Variants in ZNF638 observed in about 807,000 individuals in gnomAD.
ZNF638 encodes the protein CTCL tumor antigen se33-1.
ZNF638 carries 46 observed loss-of-function variants against 195.6 expected under a neutral mutation model. The observed-to-expected ratio is 0.24, with a 90% CI of 0.19 to 0.30. ZNF638 has a LOEUF of 0.30. Ranked by LOEUF, ZNF638 falls within the 10% of genes least tolerant of loss-of-function variation. The pLI, the probability that ZNF638 is intolerant of heterozygous loss-of-function variation, is 1.00. For synonymous variants in ZNF638, 845 were observed against 772.0 expected, an observed-to-expected ratio of 1.09 and a Z score of -1.57; for missense variants, 2,440 against 2,325.3, an observed-to-expected ratio of 1.05 and a Z score of -1.01.
rs540961101 is a variant in ZNF638, at chr2:71,364,513, C to G, written c.1717+261C>G. Among the ~76,000 whole-genome samples the G allele has an allele frequency of 9.2e-5, 14 of 152,142 alleles. No homozygotes were observed. In the East Asian group the frequency reaches 9.7e-4, roughly 11 times the overall value. ...TGCTTTAATAATTGATTATAGAATT[C>G]CATGGATTAATTTAAAATGTTTTTG... On this transcript the variant is annotated intron_variant, in intron 5 of 27. Coordinates refer to ENST00000264447, the MANE Select transcript of ZNF638 (RefSeq NM_014497.5).
chr2:71,422,269 C>A (rs2080448050), intron 21 of ZNF638, among the ~76,000 whole-genome samples: 1 of 151,044 alleles, frequency 6.6e-6, no homozygotes, highest in South Asian at 2.1e-4. Flanking sequence ...AAATATGGTT[C>A]TTGGGTAATT....
chr2:71,421,796 T>A (rs995821824), intron 21 of ZNF638, among the ~76,000 whole-genome samples: 2 of 152,196 alleles, frequency 1.3e-5, no homozygotes, highest in African/African-American at 2.4e-5. Flanking sequence ...TTTGGTAAAT[T>A]TTAATTTGCA....
intron 10 of ZNF638, chr2:71,395,602 T>C (rs368568789): frequency 3.5e-6 from 2 of 574,102 alleles, no homozygotes; most frequent in South Asian, 1.6e-5. Flanking sequence ...CCCAAGGCGG[T>C]GGGGGTGACA....
chr2:71,334,463 C>G (rs1318697579), intron 1 of ZNF638: 1 of 152,014 alleles, frequency 6.6e-6, no homozygotes, highest in East Asian at 1.9e-4. Flanking sequence ...TCATGTGTAT[C>G]CAGCTTATCT....
At chr2:71,331,940 G>A (rs1461222743) in intron 1 of ZNF638, 65 bp downstream of exon 1, 12 of 985,424 alleles carry the variant, frequency 1.2e-5, no homozygotes, top group Middle Eastern at 5.2e-4. Context: ...TGGGGGTCCT[G>A]AGCCCTTCCT....
rs1573187644 is a variant in ZNF638 at position 71,434,936 on chromosome 2, C to T, written c.*129C>T. ...TCGTGTTGTACAAATTTCTGATTGC[C>T]CTAAATGTAGAGAGACTGATGGGGA... On this transcript the variant is annotated 3_prime_UTR_variant, in exon 28 of 28. Coordinates refer to ENST00000264447, the MANE Select transcript of ZNF638 (RefSeq NM_014497.5). 4 of 746,838 alleles carry T rather than the reference C, an allele frequency of 5.4e-6. No homozygotes were observed. Among genetic ancestry groups the T allele is most frequent in the East Asian group, 2.8e-5 (1 of 36,228 alleles). The allele number at this position is 746,838 out of a possible 1,614,324, so 46.3% of individuals were successfully genotyped here. A position where few individuals can be genotyped will look rare whatever the true frequency, so the allele number is the denominator to read the frequency against.
At chr2:71,372,132 C>T (rs1027735868) in intron 8 of ZNF638, among the ~76,000 whole-genome samples, 1 of 152,000 alleles carries the variant, frequency 6.6e-6, no homozygotes, top group Non-Finnish European at 1.5e-5. Context: ...TATGGATATC[C>T]AGTTTTCCCA....
At chr2:71,391,837 G>A (rs1361702879) in intron 10 of ZNF638, among the ~76,000 whole-genome samples, 3 of 152,118 alleles carry the variant, frequency 2.0e-5, no homozygotes, top group Non-Finnish European at 4.4e-5. Flanking sequence ...AGCAAAAAGG[G>A]AAATTGAGGA....
At chr2:71,334,010 G>A (rs1038940039) in intron 1 of ZNF638, among the ~76,000 whole-genome samples, 2 of 152,162 alleles carry the variant, frequency 1.3e-5, no homozygotes, top group African/African-American at 4.8e-5. Context: ...GGAGTTGAAA[G>A]GCCCTCTAAT....
rs2080498726 is a variant in ZNF638, at chr2:71,424,577, T to TG, written c.4525-72dup. On this transcript the variant is annotated intron_variant, in intron 22 of 27. Transcript: ENST00000264447. ...ATGTTTACTGTTTTTTTTTGTTTTTTGTTTTTTTTTCCAGAACATTAATAA... is the reference window on the plus strand; with the variant it reads ...ATGTTTACTGTTTTTTTTTGTTTTTTGGTTTTTTTTTCCAGAACATTAATAA... 5 of 1,292,164 alleles carry TG rather than the reference T, an allele frequency of 3.9e-6. No individual in the cohort carries two copies. In the South Asian group the frequency reaches 5.2e-5, roughly 14 times the overall value. 80.0% of individuals were successfully genotyped at this position (1,292,164 alleles called of 1,614,324 possible).
chr2:71,352,465 G>A (rs1168580537), intron 2 of ZNF638, among the ~76,000 whole-genome samples: 6 of 145,282 alleles, frequency 4.1e-5, no homozygotes, highest in African/African-American at 1.3e-4. Flanking sequence ...GTGACAGAGC[G>A]AGACTCCATC....
At chr2:71,381,166 A>C (rs2079528762) in intron 10 of ZNF638, among the ~76,000 whole-genome samples, 1 of 152,148 alleles carries the variant, frequency 6.6e-6, no homozygotes, top group African/African-American at 2.4e-5. Context: ...AGTACTAGTG[A>C]GAATAAACAG....
intron 1 of ZNF638, among the ~76,000 whole-genome samples, chr2:71,335,936 G>A (rs1277484016): frequency 6.6e-6 from 1 of 152,174 alleles, no homozygotes; most frequent in African/African-American, 2.4e-5. Flanking sequence ...GGTTACGATT[G>A]ATAACTCTCA....
intron 10 of ZNF638, among the ~76,000 whole-genome samples, chr2:71,383,210 G>A (rs913058782): frequency 2.0e-5 from 3 of 152,090 alleles, no homozygotes; most frequent in Non-Finnish European, 4.4e-5. Flanking sequence ...AGCTACTCAG[G>A]AGGCCGAGGC....
At chr2:71,385,549 A>G (rs1039502582) in intron 10 of ZNF638, among the ~76,000 whole-genome samples, 2 of 152,210 alleles carry the variant, frequency 1.3e-5, no homozygotes, top group African/African-American at 2.4e-5. Context: ...AGAGATCATT[A>G]TGAAGGAACC....
chr2:71,332,013 A>C (rs2078578372), intron 1 of ZNF638, 138 bp downstream of exon 1: 25 of 709,400 alleles, frequency 3.5e-5, no homozygotes, highest in Non-Finnish European at 4.3e-5. Context: ...GGCGGCGGGC[A>C]GACGGCGGGG....
chr2:71,374,323 C>T (rs2079377807), intron 8 of ZNF638, among the ~76,000 whole-genome samples: 1 of 152,158 alleles, frequency 6.6e-6, no homozygotes, highest in Non-Finnish European at 1.5e-5. Flanking sequence ...TGTATAAATT[C>T]TGTATACATA....
chr2:71,434,623 T>G, intron 27 of ZNF638, 119 bp from the exon 28 acceptor site: 1 of 798,692 alleles, frequency 1.3e-6, no homozygotes, highest in Non-Finnish European at 2.0e-6. Flanking sequence ...TAAGGCACTG[T>G]GTTTATAATA....
chr2:71,365,856 A>G lies in ZNF638; in HGVS notation c.1995+150A>G. ...TGCCTCATCTTCCCAAGTAGCTGGCACCACAGGCGTGTGCCACCATGCCTG... is the reference window on the plus strand; with the variant it reads ...TGCCTCATCTTCCCAAGTAGCTGGCGCCACAGGCGTGTGCCACCATGCCTG... On this transcript the variant is annotated intron_variant, in intron 6 of 27. Coordinates refer to ENST00000264447, the MANE Select transcript of ZNF638 (RefSeq NM_014497.5). The G allele has an allele frequency of 3.8e-6, 3 of 783,226 alleles. 1 individual carries two copies. In the South Asian group the frequency reaches 6.0e-5, roughly 16 times the overall value. The allele number at this position is 783,226 out of a possible 1,614,324, so 48.5% of individuals were successfully genotyped here.
Sources: gnomAD v4.1 joint callset for allele counts (sites outside exome capture counted in the v4.1 genomes callset) on GRCh38, gnomAD v4.1.1 for gene constraint, MANE v1.5 for transcripts, NCBI Gene and HGNC (gene_info 2026-07-23, HGNC 2026-07-21) for gene names.